The following MTERF3 variants were observed in gnomAD, a reference collection of about 807,000 sequenced individuals.
MTERF3 encodes the protein transcription termination factor 3, mitochondrial.
Under a neutral mutation model 40.5 loss-of-function variants are expected in MTERF3, and 40 were observed. The observed-to-expected ratio is 0.99, with a 90% CI of 0.77 to 1.29. The LOEUF (loss-of-function observed/expected upper bound fraction) is 1.29, where lower values mean the gene tolerates loss of function less well. Among genes scored for constraint, MTERF3 ranks in the 50% most tolerant of loss-of-function variants. The pLI is 0.00. For missense variants in MTERF3, 452 were observed against 478.2 expected, an observed-to-expected ratio of 0.95 and a Z score of 0.51; for synonymous variants, 158 against 166.6, an observed-to-expected ratio of 0.95 and a Z score of 0.40.
At chr8:96,245,087 T>C (rs1809997384) in intron 6 of MTERF3, among the ~76,000 whole-genome samples, 2 of 152,102 alleles carry the variant, frequency 1.3e-5, no homozygotes, top group Admixed American at 6.5e-5. Flanking sequence ...GCTTTCATAG[T>C]GTCCTGTGTG....
At chr8:96,250,618 A>AGG (rs1491117552) in intron 4 of MTERF3, among the ~76,000 whole-genome samples, 1 of 12,116 alleles carries the variant, frequency 8.3e-5, no homozygotes, top group Non-Finnish European at 1.6e-4. Flanking sequence ...GCTGAGGCAG[A>AGG]AGAAGAAGAA....
Position 96,250,615 on chromosome 8 carries a change from CAGAAG to C in MTERF3, c.677+286_677+290del, listed in dbSNP as rs1810132235. 2.5e-4 allele frequency among the ~76,000 whole-genome samples: 3 copies of C among 11,824 alleles called. No individual in the cohort carries two copies. In the South Asian group the frequency reaches 0.012, roughly 48 times the overall value. 7.8% of individuals were successfully genotyped at this position (11,824 alleles called of 152,430 possible). On this transcript the variant is annotated intron_variant, in intron 4 of 7. Coordinates refer to ENST00000287025, the MANE Select transcript of MTERF3 (RefSeq NM_015942.5). Reference sequence around the variant, plus strand: ...CACCCAGCTACTTGGGAGGCTGAGGCAGAAGAAGAAGAAGAAGAAGAAGAAGAAGA... The same window carrying C: ...CACCCAGCTACTTGGGAGGCTGAGGCAAGAAGAAGAAGAAGAAGAAGAAGA...
intron 4 of MTERF3, among the ~76,000 whole-genome samples, chr8:96,250,646 A>AGAC (rs1563548771): frequency 3.3e-4 from 11 of 32,870 alleles, no homozygotes; most frequent in African/African-American, 1.2e-3. Flanking sequence ...AAGAAGAAGA[A>AGAC]GAAGAAGAAG....
At chr8:96,240,756 TCTC>T (rs1809912485) in intron 7 of MTERF3, among the ~76,000 whole-genome samples, 2 of 152,038 alleles carry the variant, frequency 1.3e-5, no homozygotes, top group Admixed American at 1.3e-4. Flanking sequence ...TGCCTCAAGC[TCTC>T]CTCTTGGCTG....
chr8:96,256,913 A>T (rs1810288643), intron 3 of MTERF3, 49 bp downstream of exon 3: 1 of 1,513,420 alleles, frequency 6.6e-7, no homozygotes, highest in East Asian at 2.3e-5. Flanking sequence ...AAGTAAAAAA[A>T]GTAATGAAGA....
chr8:96,250,406 G>T (rs1427465607), intron 4 of MTERF3, among the ~76,000 whole-genome samples: 1 of 147,792 alleles, frequency 6.8e-6, no homozygotes, highest in Non-Finnish European at 1.5e-5. Context: ...GTAATAAGTT[G>T]AAAACATAAA....
At chr8:96,246,712 T>C (rs1189592001) in intron 4 of MTERF3, among the ~76,000 whole-genome samples, 1 of 152,244 alleles carries the variant, frequency 6.6e-6, no homozygotes, top group Non-Finnish European at 1.5e-5. Flanking sequence ...AGGTATTAGT[T>C]GCGGTTTTTG....
At chr8:96,254,264 G>C (rs1810242231) in intron 3 of MTERF3, among the ~76,000 whole-genome samples, 1 of 152,108 alleles carries the variant, frequency 6.6e-6, no homozygotes, top group South Asian at 2.1e-4. Context: ...ACATATTCAT[G>C]ACTTTTTTTT....
chr8:96,254,422 T>C (rs1250489896), intron 3 of MTERF3, among the ~76,000 whole-genome samples: 1 of 152,074 alleles, frequency 6.6e-6, no homozygotes, highest in Non-Finnish European at 1.5e-5. Flanking sequence ...CAACTCCCCA[T>C]TCCTCCCCAC....
chr8:96,250,828 A>T (rs1489760156), intron 4 of MTERF3, 78 bp downstream of exon 4: 14 of 1,384,192 alleles, frequency 1.0e-5, no homozygotes, highest in Non-Finnish European at 1.3e-5. Context: ...TGCAGCAGAG[A>T]TTTAAAGAAT....
chr8:96,240,387 G>C (rs949394196), intron 7 of MTERF3, among the ~76,000 whole-genome samples: 1 of 152,128 alleles, frequency 6.6e-6, no homozygotes, highest in East Asian at 1.9e-4. Flanking sequence ...ACCAATGTTA[G>C]AGATTAAGAT....
rs1403026303 is a variant in MTERF3 at position 96,244,211 on chromosome 8, A to C, written c.898-131T>G. ...GTTGCCCAGGATGGAGTGCAGTGGC[A>C]TGATCTCCTGCCTCAGTCTCCCAAG... On this transcript the variant is annotated intron_variant, in intron 6 of 7. Transcript: ENST00000287025. 9 of 665,466 alleles carry C rather than the reference A, an allele frequency of 1.4e-5. No homozygotes were observed. The Admixed American group carries it at 1.8e-4, about 13-fold the overall frequency. The allele number at this position is 665,466 out of a possible 1,614,324, so 41.2% of individuals were successfully genotyped here.
chr8:96,250,653 GAA>G (rs1563548841), intron 4 of MTERF3, among the ~76,000 whole-genome samples: 17 of 26,654 alleles, frequency 6.4e-4, no homozygotes, highest in African/African-American at 2.2e-3. Context: ...AGAAGAAGAA[GAA>G]GAAGAAGAAG....
chr8:96,250,500 C>A (rs1182621587), intron 4 of MTERF3, among the ~76,000 whole-genome samples: 4 of 144,576 alleles, frequency 2.8e-5, no homozygotes, highest in Admixed American at 6.9e-5. Flanking sequence ...CACTTGAGGT[C>A]AGGAGTTCGA....
intron 4 of MTERF3, among the ~76,000 whole-genome samples, chr8:96,248,633 T>A (rs1810065726): frequency 6.6e-6 from 1 of 152,172 alleles, no homozygotes; most frequent in African/African-American, 2.4e-5. Context: ...GGCAGCAAGG[T>A]TCAGCATTTG....
intron 4 of MTERF3, among the ~76,000 whole-genome samples, chr8:96,250,530 G>GC (rs1810116860): frequency 7.0e-6 from 1 of 143,146 alleles, no homozygotes; most frequent in South Asian, 2.2e-4. Flanking sequence ...GGCCAATGTG[G>GC]CGAAACCCCA....
intron 3 of MTERF3, among the ~76,000 whole-genome samples, chr8:96,254,356 T>C (rs1394316047): frequency 1.3e-5 from 2 of 152,142 alleles, no homozygotes; most frequent in Non-Finnish European, 2.9e-5. Flanking sequence ...TGCTGGACAA[T>C]AGATCTCCAA....
chr8:96,250,039 C>T (rs142464201), intron 4 of MTERF3, among the ~76,000 whole-genome samples: 128 of 152,160 alleles, frequency 8.4e-4, no homozygotes, highest in African/African-American at 2.8e-3. Context: ...CAATGCCTAG[C>T]AGGATTCTTA....
chr8:96,247,388 A>G (rs1810041251), intron 4 of MTERF3, among the ~76,000 whole-genome samples: 1 of 152,226 alleles, frequency 6.6e-6, no homozygotes, highest in African/African-American at 2.4e-5. Flanking sequence ...TAAAATATAG[A>G]AAGTTTGACT....
Sources: gnomAD v4.1 joint callset for allele counts (sites outside exome capture counted in the v4.1 genomes callset) on GRCh38, gnomAD v4.1.1 for gene constraint, MANE v1.5 for transcripts, NCBI Gene and HGNC (gene_info 2026-07-23, HGNC 2026-07-21) for gene names.